The following KCNH8 variants were observed in gnomAD, a reference collection of about 807,000 sequenced individuals.
The protein encoded by KCNH8 is voltage-gated delayed rectifier potassium channel KCNH8.
In KCNH8, 70 loss-of-function variants were observed where a neutral mutation model predicts 103.6. The observed-to-expected ratio is 0.68, with a 90% CI of 0.56 to 0.82. The LOEUF (loss-of-function observed/expected upper bound fraction) is 0.82. KCNH8 is among the 40% of genes least tolerant of loss of function. The pLI is 0.00. For missense variants in KCNH8, 1,217 were observed against 1,329.9 expected (o/e 0.92, Z 1.32); for synonymous variants, 498 against 489.4 (o/e 1.02, Z -0.23).
intron 1 of KCNH8, among the ~76,000 whole-genome samples, chr3:19,175,056 G>A (rs2063384124): frequency 6.6e-6 from 1 of 152,082 alleles, no homozygotes; most frequent in African/African-American, 2.4e-5. Flanking sequence ...AGTGGCATGA[G>A]TTTTAGAGGA....
At chr3:19,304,356 G>A (rs1236144729) in intron 3 of KCNH8, among the ~76,000 whole-genome samples, 1 of 151,744 alleles carries the variant, frequency 6.6e-6, no homozygotes, top group African/African-American at 2.4e-5. Context: ...ACTTCTACAG[G>A]GAGCTTCTTA....
rs2067011250 is a variant in KCNH8, at chr3:19,425,248, A to G, written c.1178-12916A>G. 3.9e-5 allele frequency among the ~76,000 whole-genome samples: 6 copies of G among 152,210 alleles called. No individual in the cohort carries two copies. In the South Asian group the frequency reaches 1.2e-3, roughly 32 times the overall value. On this transcript the variant is annotated intron_variant, in intron 7 of 15. Coordinates refer to ENST00000328405, the MANE Select transcript of KCNH8 (RefSeq NM_144633.3). ...ATTCATGTGCTTTGAACTGTCCTAA[A>G]TGTACTTTTTCTCCATCTCTGTTCA...
chr3:19,359,435 T>G (rs77563201), intron 5 of KCNH8, among the ~76,000 whole-genome samples: 2,665 of 152,050 alleles, frequency 0.018, 104 homozygotes, highest in African/African-American at 0.059. Flanking sequence ...ACACGCAGTA[T>G]CAGAAACTGA....
chr3:19,485,469 A>C (rs2068185302), intron 11 of KCNH8, among the ~76,000 whole-genome samples: 1 of 152,228 alleles, frequency 6.6e-6, no homozygotes, highest in South Asian at 2.1e-4. Flanking sequence ...CAAATGTGAG[A>C]TGTAGAAGTA....
chr3:19,442,319 A>G (rs986290909), intron 8 of KCNH8, among the ~76,000 whole-genome samples: 4 of 152,186 alleles, frequency 2.6e-5, no homozygotes, highest in African/African-American at 9.7e-5. Context: ...ATACTTGCCC[A>G]TGTTTCTTCT....
At chr3:19,518,278 A>G (rs1031458923) in intron 15 of KCNH8, among the ~76,000 whole-genome samples, 2 of 152,054 alleles carry the variant, frequency 1.3e-5, no homozygotes, top group African/African-American at 4.8e-5. Flanking sequence ...CCCCATGTGT[A>G]AGAAGGGAAG....
At chr3:19,340,598 A>G (rs1303191855) in intron 3 of KCNH8, among the ~76,000 whole-genome samples, 1 of 152,168 alleles carries the variant, frequency 6.6e-6, no homozygotes, top group Non-Finnish European at 1.5e-5. Context: ...CCTTTTAGAA[A>G]GAAAATAATA....
chr3:19,277,549 T>TA (rs1364490310), intron 2 of KCNH8, among the ~76,000 whole-genome samples: 10 of 152,110 alleles, frequency 6.6e-5, no homozygotes, highest in Non-Finnish European at 1.5e-4. Flanking sequence ...GACTTTCTCT[T>TA]AAAAAACAAA....
intron 1 of KCNH8, among the ~76,000 whole-genome samples, chr3:19,244,064 G>A (rs1458361994): frequency 6.6e-6 from 1 of 152,100 alleles, no homozygotes; most frequent in East Asian, 1.9e-4. Flanking sequence ...ACTTCTAAAA[G>A]AAGTTTTTTA....
At chr3:19,365,492 A>G (rs1399317545) in intron 5 of KCNH8, among the ~76,000 whole-genome samples, 1 of 152,070 alleles carries the variant, frequency 6.6e-6, no homozygotes, top group Non-Finnish European at 1.5e-5. Flanking sequence ...TATTTAGTTT[A>G]TATAACCGCA....
chr3:19,281,224 A>G lies in KCNH8; in HGVS notation c.337A>G (p.Ile113Val), dbSNP rs1190050983. Residue 113 changes from isoleucine (I) to valine (V), a missense_variant, in exon 3 of 16, where the codon ATT (isoleucine) becomes GTT (valine). Physicochemically the swap from Ile to Val is conservative, Grantham distance 29. This residue lies in a region of KCNH8 where 244 missense variants were observed against 256.8 expected (regional missense o/e 0.95). Transcript: ENST00000328405. ...NGSPFWCLLD[I>V]VPIKNEKGDV... ...GTCTCCATTTTGGTGCCTACTGGAT[A>G]TTGTTCCCATAAAGAATGAAAAAGG... 3 of 1,611,178 alleles carry G rather than the reference A, an allele frequency of 1.9e-6. No homozygotes were observed. Among genetic ancestry groups the G allele is most frequent in the Non-Finnish European group, 2.5e-6 (3 of 1,178,328 alleles).
chr3:19,500,029 T>C (rs980953000), intron 11 of KCNH8, among the ~76,000 whole-genome samples: 1 of 152,122 alleles, frequency 6.6e-6, no homozygotes, highest in Non-Finnish European at 1.5e-5. Context: ...ATCAGTGTGC[T>C]GTATTCAGGA....
chr3:19,327,942 A>T (rs915401845), intron 3 of KCNH8, among the ~76,000 whole-genome samples: 1 of 152,186 alleles, frequency 6.6e-6, no homozygotes, highest in Non-Finnish European at 1.5e-5. Flanking sequence ...ATATTAATAT[A>T]GTTTATGCCT....
chr3:19,399,454 TG>T (rs1256470752), intron 7 of KCNH8, among the ~76,000 whole-genome samples: 1 of 152,016 alleles, frequency 6.6e-6, no homozygotes, highest in Non-Finnish European at 1.5e-5. Context: ...CATCCTAATG[TG>T]AGTTCTGATT....
At chr3:19,463,473 T>C (rs1014633246) in intron 11 of KCNH8, among the ~76,000 whole-genome samples, 8 of 151,960 alleles carry the variant, frequency 5.3e-5, no homozygotes, top group African/African-American at 1.9e-4. Flanking sequence ...GTACAGGCAA[T>C]GTGTAGATGA....
intron 5 of KCNH8, among the ~76,000 whole-genome samples, chr3:19,357,659 A>G (rs1440680246): frequency 6.6e-6 from 1 of 151,912 alleles, no homozygotes; most frequent in Non-Finnish European, 1.5e-5. Context: ...ACAAAGACTG[A>G]GAGTCATAGA....
chr3:19,373,151 C>T (rs9755428), intron 5 of KCNH8, among the ~76,000 whole-genome samples: 74,051 of 151,010 alleles, frequency 0.49, 19,125 homozygotes, highest in African/African-American at 0.64. Flanking sequence ...GGATTCCCTC[C>T]TTTTCTGTTG....
intron 3 of KCNH8, among the ~76,000 whole-genome samples, chr3:19,303,010 C>T (rs1157349649): frequency 1.3e-5 from 2 of 152,158 alleles, no homozygotes; most frequent in East Asian, 3.9e-4. Context: ...ATTGCAAAAC[C>T]TGTAATAACT....
At position 19,317,782 on chromosome 3, in the gene KCNH8, A is replaced by G. The variant is rs573495008; in HGVS notation, c.443-24805A>G. On this transcript the variant is annotated intron_variant, in intron 3 of 15. Transcript: ENST00000328405. The stretch of plus-strand genomic sequence containing the variant: ...TTAAGATAAAGTTCAACATCCTTTC[A>G]TGTTAAAAACTCTCAATAAACTAGG... Among the ~76,000 whole-genome samples, 22 of 152,026 alleles carry G rather than the reference A, an allele frequency of 1.4e-4. No homozygotes were observed. The South Asian group carries it at 3.7e-3, about 26-fold the overall frequency.
Sources: gnomAD v4.1 joint callset for allele counts (sites outside exome capture counted in the v4.1 genomes callset) on GRCh38, gnomAD v4.1.1 for gene constraint, gnomAD v4.1.1 regional missense constraint, MANE v1.5 for transcripts, NCBI Gene and HGNC (gene_info 2026-07-23, HGNC 2026-07-21) for gene names.